Variants in ZNF704 observed in about 807,000 individuals in gnomAD.
The protein encoded by ZNF704 is glucocorticoid induced gene 1.
Under a neutral mutation model 44.7 loss-of-function variants are expected in ZNF704, and 10 were observed. The ratio of observed to expected loss-of-function variants is 0.22; its 90% CI spans 0.14 to 0.38. ZNF704 has a LOEUF of 0.38. ZNF704 is among the 10% of genes least tolerant of loss of function. The probability of loss-of-function intolerance (pLI) is 1.00; values close to 1 mark genes in which losing one functional copy is unlikely to be tolerated. For synonymous variants in ZNF704, 211 were observed against 207.6 expected, an observed-to-expected ratio of 1.02 and a Z score of -0.14; for missense variants, 390 against 545.5, an observed-to-expected ratio of 0.71 and a Z score of 2.84.
chr8:80,687,754 GA>G lies in ZNF704; in HGVS notation c.326-297del, dbSNP rs202098680. ...CTTGGGATCATAGTGGGGATTATAT[GA>G]AAAAAAAGATTTTCTTGTTCACTAA... On this transcript the variant is annotated intron_variant, in intron 3 of 8. Coordinates refer to ENST00000327835, the MANE Select transcript of ZNF704 (RefSeq NM_001033723.3). Among the ~76,000 whole-genome samples, 1,101 of 151,984 alleles carry G rather than the reference GA, an allele frequency of 7.2e-3. 6 individuals carry two copies. The highest frequency in any genetic ancestry group is 0.011 in the Non-Finnish European group (740 of 67,958).
chr8:80,741,022 A>T (rs192781451), intron 2 of ZNF704, among the ~76,000 whole-genome samples: 1 of 152,236 alleles, frequency 6.6e-6, no homozygotes, highest in African/African-American at 2.4e-5. Flanking sequence ...TAAATACTTA[A>T]GGCTAAAATT....
chr8:80,881,864 G>A, the ZNF704 span, among the ~76,000 whole-genome samples: 1 of 152,278 alleles, frequency 6.6e-6, no homozygotes, highest in South Asian at 2.1e-4. Context: ...GGTGGTGGAG[G>A]TTGCAGTGAG....
chr8:80,645,131 G>A (rs1034179833), intron 7 of ZNF704: 369 of 1,608,328 alleles, frequency 2.3e-4, no homozygotes, highest in Non-Finnish European at 2.8e-4. Flanking sequence ...CAAACTCCTC[G>A]TCGTCGTATT....
chr8:80,782,768 G>A lies in ZNF704; in HGVS notation c.221+38606C>T, dbSNP rs560332904. Among the ~76,000 whole-genome samples the A allele has an allele frequency of 7.2e-5, 11 of 152,208 alleles. No individual in the cohort carries two copies. The South Asian group carries it at 1.7e-3, about 23-fold the overall frequency. ...GAAGTACAGTCGCTGCTTGGTATTCGCAGGTGAATGGCACCAGGATGCTTC... is the reference window on the plus strand; with the variant it reads ...GAAGTACAGTCGCTGCTTGGTATTCACAGGTGAATGGCACCAGGATGCTTC... On this transcript the variant is annotated intron_variant, in intron 2 of 8. Transcript: ENST00000327835.
intron 4 of ZNF704, among the ~76,000 whole-genome samples, chr8:80,685,073 G>T (rs533430062): frequency 6.6e-6 from 1 of 151,952 alleles, no homozygotes; most frequent in South Asian, 2.1e-4. Context: ...ATTCTTATTT[G>T]TTCATTCCTT....
upstream of ZNF704, among the ~76,000 whole-genome samples, chr8:80,878,313 A>AAGG (rs1563587129): frequency 1.4e-5 from 2 of 143,994 alleles, no homozygotes; most frequent in South Asian, 2.2e-4. Context: ...AGGAAGGAAG[A>AAGG]AAATCAGGCT....
chr8:80,636,381 T>C lies in ZNF704; in HGVS notation c.*4985A>G, dbSNP rs149150844. 9 of 152,346 alleles carry C rather than the reference T, an allele frequency of 5.9e-5. No homozygotes were observed. Among genetic ancestry groups the C allele is most frequent in the African/African-American group, 2.2e-4 (9 of 41,588 alleles). 9.4% of individuals were successfully genotyped at this position (152,346 alleles called of 1,614,324 possible). A position where few individuals can be genotyped will look rare whatever the true frequency, so the allele number is the denominator to read the frequency against. ...TATACCTTTTAAAGCATGTATATCA[T>C]TGGATATGGGCTTTTTCAAAGTCAG... On this transcript the variant is annotated 3_prime_UTR_variant, in exon 9 of 9. Transcript: ENST00000327835.
chr8:80,644,600 AG>A (rs1376253383), intron 7 of ZNF704, among the ~76,000 whole-genome samples: 2 of 152,230 alleles, frequency 1.3e-5, no homozygotes, highest in Non-Finnish European at 2.9e-5. Context: ...AAACAAAAAC[AG>A]CAAGTTTACA....
chr8:80,745,554 A>G (rs1344778223), intron 2 of ZNF704, among the ~76,000 whole-genome samples: 1 of 152,196 alleles, frequency 6.6e-6, no homozygotes. Flanking sequence ...ACCTCAACCA[A>G]AGTTTTAAGT....
intron 2 of ZNF704, among the ~76,000 whole-genome samples, chr8:80,723,339 T>C (rs1314787009): frequency 6.6e-6 from 1 of 152,204 alleles, no homozygotes; most frequent in Non-Finnish European, 1.5e-5. Flanking sequence ...TAACTGTAAG[T>C]ATAACTCATA....
In ZNF704 at chr8:80,770,421, T is replaced by A. The variant is rs190427462; in HGVS notation, c.221+50953A>T. On this transcript the variant is annotated intron_variant, in intron 2 of 8. Transcript: ENST00000327835. ...TAGTGACAGCCCATTGTGGTTTTAA[T>A]TTGTATTTCCCTAATGGCTAATGAT... Among the ~76,000 whole-genome samples, 445 of 152,316 alleles carry A rather than the reference T, an allele frequency of 2.9e-3. 1 individual carries two copies. The highest frequency in any genetic ancestry group is 0.018 in the Admixed American group (272 of 15,294).
At chr8:80,696,913 T>C (rs1413999963) in intron 2 of ZNF704, among the ~76,000 whole-genome samples, 1 of 152,230 alleles carries the variant, frequency 6.6e-6, no homozygotes, top group Non-Finnish European at 1.5e-5. Context: ...AGGTCAGGTG[T>C]GGACTTTTCC....
At chr8:80,711,192 G>T (rs1472550479) in intron 2 of ZNF704, among the ~76,000 whole-genome samples, 2 of 152,164 alleles carry the variant, frequency 1.3e-5, no homozygotes, top group Non-Finnish European at 2.9e-5. Flanking sequence ...CAACAGCTCT[G>T]TATGTTCTAG....
chr8:80,718,669 G>A (rs1245967367), intron 2 of ZNF704, among the ~76,000 whole-genome samples: 1 of 152,118 alleles, frequency 6.6e-6, no homozygotes, highest in Non-Finnish European at 1.5e-5. Context: ...GCAGTTTGAA[G>A]CCCAGACCTG....
intron 1 of ZNF704, among the ~76,000 whole-genome samples, chr8:80,832,813 C>T (rs1028535642): frequency 6.6e-6 from 1 of 152,104 alleles, no homozygotes; most frequent in Non-Finnish European, 1.5e-5. Flanking sequence ...ACCATAAAAT[C>T]ACACCTGAAA....
Position 80,632,874 on chromosome 8 carries a change from C to T in ZNF704, c.*8492G>A, listed in dbSNP as rs1323506206. 1 of 152,168 alleles carries T rather than the reference C, an allele frequency of 6.6e-6. No individual in the cohort carries two copies. The highest frequency in any genetic ancestry group is 1.5e-5 in the Non-Finnish European group (1 of 68,036). 9.4% of individuals were successfully genotyped at this position (152,168 alleles called of 1,614,324 possible). A position where few individuals can be genotyped will look rare whatever the true frequency, so the allele number is the denominator to read the frequency against. On this transcript the variant is annotated 3_prime_UTR_variant, in exon 9 of 9. Coordinates refer to ENST00000327835, the MANE Select transcript of ZNF704 (RefSeq NM_001033723.3). ...TGTTTCATTCTCCAACACTGTATTA[C>T]TTTAGAAACATAATAATAAATATTA...
chr8:80,875,489 A>T (rs1371526384), upstream of ZNF704, among the ~76,000 whole-genome samples: 3 of 152,214 alleles, frequency 2.0e-5, no homozygotes, highest in East Asian at 5.8e-4. Flanking sequence ...TTTTTCGTAG[A>T]GACAGGGTTT....
At chr8:80,826,658 C>T (rs1410507421) in intron 1 of ZNF704, among the ~76,000 whole-genome samples, 1 of 152,080 alleles carries the variant, frequency 6.6e-6, no homozygotes, top group Admixed American at 6.6e-5. Context: ...TGATGAACAT[C>T]AATGCAAAAA....
intron 2 of ZNF704, among the ~76,000 whole-genome samples, chr8:80,699,199 A>C (rs1209133265): frequency 2.0e-5 from 3 of 152,204 alleles, no homozygotes; most frequent in African/African-American, 7.2e-5. Flanking sequence ...AATCATCCCC[A>C]ATCTTGGAAT....
Sources: gnomAD v4.1 joint callset for allele counts (sites outside exome capture counted in the v4.1 genomes callset) on GRCh38, gnomAD v4.1.1 for gene constraint, MANE v1.5 for transcripts, NCBI Gene and HGNC (gene_info 2026-07-23, HGNC 2026-07-21) for gene names.